The following NEGR1 variants were observed in gnomAD, a reference collection of about 807,000 sequenced individuals.
NEGR1 encodes the protein IgLON family member 4.
A neutral mutation model predicts 40.9 loss-of-function variants in NEGR1; 10 were observed. That is an observed-to-expected ratio of 0.24 (90% CI 0.15 to 0.42). The LOEUF (loss-of-function observed/expected upper bound fraction) is 0.42. NEGR1 is among the 10% of genes least tolerant of loss of function. NEGR1 has a pLI of 1.00. For synonymous variants in NEGR1, 185 were observed against 166.8 expected, an observed-to-expected ratio of 1.11 and a Z score of -0.84; for missense variants, 352 against 438.9, an observed-to-expected ratio of 0.80 and a Z score of 1.77.
At chr1:71,460,074 A>C (rs72674990) in intron 6 of NEGR1, among the ~76,000 whole-genome samples, 1 of 152,234 alleles carries the variant, frequency 6.6e-6, no homozygotes, top group East Asian at 1.9e-4. Context: ...TTCAAAGTAC[A>C]TATTACTAAG....
chr1:71,765,538 A>T (rs929663799), intron 3 of NEGR1, among the ~76,000 whole-genome samples: 1 of 152,058 alleles, frequency 6.6e-6, no homozygotes, highest in Non-Finnish European at 1.5e-5. Flanking sequence ...AAAATTCAGG[A>T]TCTGAAACCA....
chr1:72,265,735 A>T (rs1489459399), intron 1 of NEGR1, among the ~76,000 whole-genome samples: 5 of 150,974 alleles, frequency 3.3e-5, no homozygotes, highest in Non-Finnish European at 6.0e-5. Context: ...TGAGCTTCCT[A>T]TTTTTATAAA....
intron 4 of NEGR1, among the ~76,000 whole-genome samples, chr1:71,674,597 C>CAA (rs1414832602): frequency 6.6e-6 from 1 of 151,576 alleles, no homozygotes; most frequent in African/African-American, 2.4e-5. Context: ...CACACACACA[C>CAA]ACACACACAC....
At chr1:72,090,602 C>T (rs1276971023) in intron 1 of NEGR1, among the ~76,000 whole-genome samples, 1 of 152,008 alleles carries the variant, frequency 6.6e-6, no homozygotes, top group East Asian at 1.9e-4. Flanking sequence ...CCAGGGTCAT[C>T]TACCTGATAA....
In NEGR1 at chr1:71,935,339, T is replaced by C. The variant is rs745944612; in HGVS notation, c.177-28A>G. 10 of 1,421,356 alleles carry C rather than the reference T, an allele frequency of 7.0e-6. No individual in the cohort carries two copies. In the African/African-American group the frequency reaches 1.4e-4, roughly 20 times the overall value. The allele number at this position is 1,421,356 out of a possible 1,614,324, so 88.0% of individuals were successfully genotyped here. On this transcript the variant is annotated intron_variant, in intron 1 of 6. Coordinates refer to ENST00000357731, the MANE Select transcript of NEGR1 (RefSeq NM_173808.3). The stretch of plus-strand genomic sequence containing the variant: ...ACAAATTACAAGAGATACAACACTA[T>C]TAATCAAAATAAAAATGAGAGACAA...
chr1:71,770,699 C>A (rs1656287550), intron 3 of NEGR1, among the ~76,000 whole-genome samples: 1 of 151,818 alleles, frequency 6.6e-6, no homozygotes, highest in Admixed American at 6.6e-5. Context: ...ACAATTTGAC[C>A]AAGAAAAACA....
intron 1 of NEGR1, among the ~76,000 whole-genome samples, chr1:72,109,084 C>T (rs944638682): frequency 6.6e-6 from 1 of 151,484 alleles, no homozygotes; most frequent in South Asian, 2.1e-4. Context: ...CACATAAACA[C>T]ATTTTCAGCT....
chr1:72,203,925 T>C (rs765251924), intron 1 of NEGR1, among the ~76,000 whole-genome samples: 15 of 152,148 alleles, frequency 9.9e-5, no homozygotes, highest in Admixed American at 7.9e-4. Context: ...TATTTTTAAA[T>C]TAAGTTGTGA....
intron 2 of NEGR1, among the ~76,000 whole-genome samples, chr1:71,898,961 TAGCATATATATATATATAGC>T (rs1661057938): frequency 1.2e-5 from 1 of 84,696 alleles, no homozygotes; most frequent in African/African-American, 4.6e-5. Context: ...TATATATATA[TAGCATATATATATATATAGC>T]ATATATATAT....
intron 1 of NEGR1, among the ~76,000 whole-genome samples, chr1:72,071,156 G>T (rs754633478): frequency 1.4e-4 from 21 of 151,752 alleles, no homozygotes; most frequent in Non-Finnish European, 2.7e-4. Flanking sequence ...AATCCAAATG[G>T]AACTGCTAGA....
chr1:72,174,529 T>C (rs1652092789), intron 1 of NEGR1, among the ~76,000 whole-genome samples: 1 of 152,190 alleles, frequency 6.6e-6, no homozygotes, highest in Non-Finnish European at 1.5e-5. Context: ...ACATTGATCC[T>C]TTTACTGTCT....
chr1:71,423,934 C>T (rs930066948), intron 6 of NEGR1, among the ~76,000 whole-genome samples: 3 of 150,306 alleles, frequency 2.0e-5, no homozygotes, highest in East Asian at 4.0e-4. Flanking sequence ...TTTCTATAGG[C>T]GCTATAGGAG....
chr1:71,455,723 C>CA (rs56214262), intron 6 of NEGR1, among the ~76,000 whole-genome samples: 19 of 151,278 alleles, frequency 1.3e-4, no homozygotes, highest in Admixed American at 6.6e-4. Flanking sequence ...GACTCTGTCT[C>CA]AAAAAAAAAT....
chr1:71,431,119 G>T (rs576826814), intron 6 of NEGR1, among the ~76,000 whole-genome samples: 2 of 141,092 alleles, frequency 1.4e-5, no homozygotes, highest in South Asian at 2.5e-4. Context: ...GTCAAAAAAA[G>T]ACCTTTTTTA....
chr1:72,240,598 G>A (rs972667822), intron 1 of NEGR1, among the ~76,000 whole-genome samples: 3 of 151,804 alleles, frequency 2.0e-5, no homozygotes, highest in East Asian at 1.9e-4. Context: ...ACCAAGAGGT[G>A]GAAGTGGCCC....
chr1:71,580,545 A>T (rs1649103488), intron 6 of NEGR1, among the ~76,000 whole-genome samples: 1 of 152,190 alleles, frequency 6.6e-6, no homozygotes, highest in African/African-American at 2.4e-5. Context: ...ACAAAATAAA[A>T]TCCTAATTTT....
At chr1:71,860,672 C>G (rs944119308) in intron 2 of NEGR1, among the ~76,000 whole-genome samples, 1 of 151,644 alleles carries the variant, frequency 6.6e-6, no homozygotes, top group Non-Finnish European at 1.5e-5. Flanking sequence ...ATACTAAAAG[C>G]AAAACAACAT....
intron 3 of NEGR1, among the ~76,000 whole-genome samples, chr1:71,731,833 G>A (rs1054469110): frequency 1.3e-5 from 2 of 152,132 alleles, no homozygotes; most frequent in African/African-American, 2.4e-5. Flanking sequence ...TTTTAAGGTC[G>A]TTTAAGTTTG....
At chr1:71,843,101 A>G (rs1334929514) in intron 2 of NEGR1, among the ~76,000 whole-genome samples, 2 of 152,160 alleles carry the variant, frequency 1.3e-5, no homozygotes, top group African/African-American at 2.4e-5. Flanking sequence ...GGTACATCCA[A>G]ATGGCAAATG....
Sources: allele counts gnomAD v4.1 joint callset (sites outside exome capture counted in the v4.1 genomes callset), GRCh38; gene constraint gnomAD v4.1.1; transcripts MANE v1.5; gene names NCBI Gene and HGNC (gene_info 2026-07-23, HGNC 2026-07-21).